KIAA0586: variants seen among roughly 807,000 people sequenced by gnomAD.
KIAA0586 encodes KIAA0586, also known as protein TALPID3.
A neutral mutation model predicts 169.8 loss-of-function variants in KIAA0586; 144 were observed. The observed-to-expected ratio is 0.85, with a 90% CI of 0.74 to 0.97. KIAA0586 has a LOEUF of 0.97. Ranked by LOEUF, KIAA0586 falls within the 50% of genes least tolerant of loss-of-function variation. The pLI is 0.00. For synonymous variants in KIAA0586, 625 were observed against 612.4 expected, an observed-to-expected ratio of 1.02 and a Z score of -0.30; for missense variants, 1,854 against 1,823.0, an observed-to-expected ratio of 1.02 and a Z score of -0.31.
Position 58,465,937 on chromosome 14 carries a change from G to A in KIAA0586, c.2162G>A (p.Gly721Asp). The change falls in exon 15 of 31, where the codon GGC becomes GAC. Residue 721 changes from glycine (G) to aspartate (D), a missense_variant. Gly to Asp is a moderately conservative substitution (Grantham distance 94). Transcript: ENST00000652326. ...MKHSVPVLPHGDQQYLFSPSR... is the reference protein window; with the variant it reads ...MKHSVPVLPHDDQQYLFSPSR... ...CATTCTGTTCCTGTGTTACCTCATG[G>A]CGATCAGCAATATTTGTTCAGCCCA... The A allele has an allele frequency of 3.1e-6, 5 of 1,613,040 alleles. No individual in the cohort carries two copies. The highest frequency in any genetic ancestry group is 4.2e-6 in the Non-Finnish European group (5 of 1,179,152).
At chr14:58,491,572 G>A (rs1401686887) in intron 25 of KIAA0586, among the ~76,000 whole-genome samples, 9 of 152,186 alleles carry the variant, frequency 5.9e-5, no homozygotes, top group Admixed American at 1.3e-4. Context: ...GTTGGGATGG[G>A]CCTATTTTGA....
chr14:58,554,773 T>A (rs2047233747), downstream of KIAA0586, among the ~76,000 whole-genome samples: 1 of 152,226 alleles, frequency 6.6e-6, no homozygotes, highest in African/African-American at 2.4e-5. Context: ...GTTTTTTCTA[T>A]AAACTTTTAA....
rs985469581 is a variant in KIAA0586 at position 58,488,194 on chromosome 14, A to T, written c.3527+85A>T. ...TCCATTGAAAACATAGAAATATTAT[A>T]CAAAGCTTTATAAACCACAGACTAC... On this transcript the variant is annotated intron_variant, in intron 23 of 30. Coordinates refer to ENST00000652326, the MANE Select transcript of KIAA0586 (RefSeq NM_001329943.3). 15 of 1,096,892 alleles carry T rather than the reference A, an allele frequency of 1.4e-5. No individual in the cohort carries two copies. In the African/African-American group the frequency reaches 1.4e-4, roughly 10 times the overall value. The allele number at this position is 1,096,892 out of a possible 1,614,324, so 67.9% of individuals were successfully genotyped here.
intron 27 of KIAA0586, among the ~76,000 whole-genome samples, chr14:58,507,273 GTA>G (rs1424530892): frequency 7.1e-6 from 1 of 139,904 alleles, no homozygotes; most frequent in Non-Finnish European, 1.5e-5. Context: ...TTATATATAT[GTA>G]TGATTTATAT....
chr14:58,508,426 G>A, intron 27 of KIAA0586, 129 bp from the exon 28 acceptor site: 1 of 701,764 alleles, frequency 1.4e-6, no homozygotes, highest in Non-Finnish European at 2.3e-6. Flanking sequence ...AGGTGTTTTT[G>A]TTTGAAGTAC....
intron 26 of KIAA0586, among the ~76,000 whole-genome samples, chr14:58,495,016 A>G (rs2043070490): frequency 6.6e-6 from 1 of 151,838 alleles, no homozygotes; most frequent in Admixed American, 6.6e-5. Flanking sequence ...CTTTCTTTCC[A>G]CGCGTTCCAG....
Position 58,474,696 on chromosome 14 carries a change from T to A in KIAA0586, c.2724T>A (p.Gly908=), listed in dbSNP as rs755476300. 1.9e-6 allele frequency: 3 copies of A among 1,613,150 alleles called. No individual in the cohort carries two copies. The South Asian group carries it at 3.3e-5, about 18-fold the overall frequency. Residue 908 remains glycine (G), a synonymous_variant, in exon 19 of 31, where the codon GGT becomes GGA. Transcript: ENST00000652326. ...SVKADSTKYN[G]PPFPPVASTF... ...AAGCTGATTCTACAAAATATAATGG[T>A]CCTCCATTTCCGCCAGTTGCTTCTA... is the stretch of plus-strand genomic sequence containing the variant.
intron 4 of KIAA0586, among the ~76,000 whole-genome samples, chr14:58,439,194 T>C (rs2140492002): frequency 6.6e-6 from 1 of 151,736 alleles, no homozygotes; most frequent in African/African-American, 2.4e-5. Context: ...TTTTTTTCTT[T>C]CTTTTTTTTT....
chr14:58,477,272 A>G, intron 20 of KIAA0586, 31 bp downstream of exon 20: 1 of 1,163,892 alleles, frequency 8.6e-7, no homozygotes, highest in Non-Finnish European at 1.2e-6. Context: ...TTTTGTTTTT[A>G]TTAAAAGACA....
chr14:58,559,869 C>G, the KIAA0586 span, among the ~76,000 whole-genome samples: 1 of 152,058 alleles, frequency 6.6e-6, no homozygotes, highest in Non-Finnish European at 1.5e-5. Flanking sequence ...TGGACAGGCC[C>G]CAGCCGGGCG....
intron 13 of KIAA0586, 85 bp from the exon 14 acceptor site, chr14:58,460,901 A>T: frequency 2.1e-6 from 2 of 934,728 alleles, no homozygotes; most frequent in Non-Finnish European, 3.0e-6. Flanking sequence ...TATAATACTT[A>T]AGCTAGCAAA....
rs2140957216 is a variant in KIAA0586, at chr14:58,467,760, C to G, written c.2280C>G (p.Thr760=). Residue 760 remains threonine (T), a synonymous_variant, in exon 16 of 31, where the codon ACC becomes ACG. Transcript: ENST00000652326. ...LLGQTQSNSD[T]MPPAGVIVSK... is the part of the protein sequence containing the mutation. ...GACAAACCCAAAGTAATAGTGATAC[C>G]ATGCCACCTGCTGGAGTGATTGTCA... The G allele has an allele frequency of 6.2e-7, 1 of 1,611,320 alleles. No individual in the cohort carries two copies. The highest frequency in any genetic ancestry group is 1.3e-5 in the African/African-American group (1 of 74,872).
At position 58,456,689 on chromosome 14, in the gene KIAA0586, T is replaced by C. The variant is rs368443727; in HGVS notation, c.1254-13T>C. The C allele has an allele frequency of 4.4e-4, 643 of 1,470,426 alleles. No individual in the cohort carries two copies. The highest frequency in any genetic ancestry group is 5.9e-4 in the Non-Finnish European group (626 of 1,065,440). The allele number at this position is 1,470,426 out of a possible 1,614,324, so 91.1% of individuals were successfully genotyped here. A position where few individuals can be genotyped will look rare whatever the true frequency, so the allele number is the denominator to read the frequency against. ...AAAATCTTCTGTAGCGTTGAAACTC[T>C]ACCTTCTCAAAGATTTCCTTCCTGT... On this transcript the variant is annotated splice_polypyrimidine_tract_variant and intron_variant, in intron 9 of 30. Transcript: ENST00000652326.
In KIAA0586 at chr14:58,530,349, T is replaced by C. The variant is rs552045632; in HGVS notation, c.4430-9722T>C. 3.3e-5 allele frequency among the ~76,000 whole-genome samples: 5 copies of C among 152,306 alleles called. No individual in the cohort carries two copies. The South Asian group carries it at 1.0e-3, about 32-fold the overall frequency. ...AGAATTAGAAAAAACTACTTTAAATTTCATATGGAACCTAAAAAGAGCCCA... is the reference window on the plus strand; with the variant it reads ...AGAATTAGAAAAAACTACTTTAAATCTCATATGGAACCTAAAAAGAGCCCA... On this transcript the variant is annotated intron_variant, in intron 29 of 30. Coordinates refer to ENST00000652326, the MANE Select transcript of KIAA0586 (RefSeq NM_001329943.3).
intron 29 of KIAA0586, among the ~76,000 whole-genome samples, chr14:58,516,273 C>A (rs558492034): frequency 1.4e-4 from 21 of 152,228 alleles, no homozygotes; most frequent in African/African-American, 4.3e-4. Context: ...GTGGCTGTCA[C>A]TGCCAGAAAG....
intron 27 of KIAA0586, among the ~76,000 whole-genome samples, chr14:58,507,253 C>CATCTAT (rs10683337): frequency 1.4e-5 from 2 of 144,522 alleles, no homozygotes; most frequent in African/African-American, 2.5e-5. Flanking sequence ...ATATATAAAT[C>CATCTAT]ATGTATGATT....
rs374762003 is a variant in KIAA0586 at position 58,477,141 on chromosome 14, G to A, written c.2844G>A (p.Met948Ile). The change falls in exon 20 of 31, where the codon ATG becomes ATA. Residue 948 changes from methionine (M) to isoleucine (I), a missense_variant. Coordinates refer to ENST00000652326, the MANE Select transcript of KIAA0586 (RefSeq NM_001329943.3). ...SLIQWVEQEI[M>I]SRIISGLFPV... The stretch of plus-strand genomic sequence containing the variant: ...CTCTCAGGGTAGAGCAAGAAATAAT[G>A]TCAAGAATTATCTCTGGGCTCTTTC... The A allele has an allele frequency of 6.4e-7, 1 of 1,564,032 alleles. No homozygotes were observed. Among genetic ancestry groups the A allele is most frequent in the East Asian group, 2.3e-5 (1 of 43,462 alleles).
chr14:58,451,018 T>G (rs1409843283), intron 8 of KIAA0586, among the ~76,000 whole-genome samples: 2 of 138,504 alleles, frequency 1.4e-5, no homozygotes, highest in South Asian at 4.6e-4. Context: ...AGACGGAGTC[T>G]CGCTCTGTTG....
chr14:58,509,470 T>C (rs1566920602), intron 28 of KIAA0586, among the ~76,000 whole-genome samples: 1 of 152,182 alleles, frequency 6.6e-6, no homozygotes, highest in Non-Finnish European at 1.5e-5. Flanking sequence ...GGTTAATTAC[T>C]CACCAAGATG....
Sources: allele counts gnomAD v4.1 joint callset (sites outside exome capture counted in the v4.1 genomes callset), GRCh38; gene constraint gnomAD v4.1.1; transcripts MANE v1.5; gene names NCBI Gene and HGNC (gene_info 2026-07-23, HGNC 2026-07-21).